The following CSTPP1 variants were observed in gnomAD, a reference collection of about 807,000 sequenced individuals.
CSTPP1 encodes centriolar satellite-associated tubulin polyglutamylase complex regulator 1, also known as UPF0705 protein C11orf49.
chr11:47,035,506 T>G, the CSTPP1 span, among the ~76,000 whole-genome samples: 7 of 152,358 alleles, frequency 4.6e-5, no homozygotes, highest in Non-Finnish European at 1.0e-4. Flanking sequence ...ACACTTGTGC[T>G]CACTGCAATA....
the CSTPP1 span, among the ~76,000 whole-genome samples, chr11:47,048,834 G>A: frequency 1.3e-5 from 2 of 152,120 alleles, no homozygotes; most frequent in East Asian, 1.9e-4. Flanking sequence ...TAAATATTAT[G>A]TATAGTTTAC....
the CSTPP1 span, among the ~76,000 whole-genome samples, chr11:46,939,166 C>T: frequency 2.0e-5 from 3 of 148,956 alleles, no homozygotes; most frequent in African/African-American, 7.4e-5. Context: ...TCTGGGCTCA[C>T]CCCAACCTCC....
the CSTPP1 span, among the ~76,000 whole-genome samples, chr11:47,025,223 A>G: frequency 6.6e-6 from 1 of 152,220 alleles, no homozygotes. Flanking sequence ...GAAATAAACT[A>G]CAATTATTTT....
At chr11:47,041,727 C>A in the CSTPP1 span, 1 of 530,534 alleles carries the variant, frequency 1.9e-6, no homozygotes, top group South Asian at 1.7e-5. Context: ...AGCCTTTGAC[C>A]TTGGTAGGCA....
the CSTPP1 span, among the ~76,000 whole-genome samples, chr11:47,139,938 G>A: frequency 6.6e-6 from 1 of 152,132 alleles, no homozygotes; most frequent in Non-Finnish European, 1.5e-5. Flanking sequence ...TTGACCCACT[G>A]AAAACAAAGC....
the CSTPP1 span, among the ~76,000 whole-genome samples, chr11:47,098,850 A>G: frequency 1.3e-5 from 2 of 152,218 alleles, no homozygotes; most frequent in Non-Finnish European, 2.9e-5. Context: ...AATCTGATCC[A>G]TCAGTAATAT....
At chr11:47,055,076 T>C in the CSTPP1 span, among the ~76,000 whole-genome samples, 1 of 151,308 alleles carries the variant, frequency 6.6e-6, no homozygotes, top group Non-Finnish European at 1.5e-5. Flanking sequence ...GGGAATATAT[T>C]TGTGCACTAC....
chr11:47,099,956 C>G, the CSTPP1 span, among the ~76,000 whole-genome samples: 3 of 152,322 alleles, frequency 2.0e-5, no homozygotes, highest in East Asian at 3.9e-4. Flanking sequence ...TCTTTCTCTC[C>G]TTACCTATTC....
the CSTPP1 span, among the ~76,000 whole-genome samples, chr11:47,007,330 C>T: frequency 2.0e-5 from 3 of 152,140 alleles, no homozygotes; most frequent in East Asian, 5.8e-4. Flanking sequence ...CATGCCCAGC[C>T]CATCATTTTG....
At chr11:46,968,404 AT>A in the CSTPP1 span, among the ~76,000 whole-genome samples, 1 of 147,010 alleles carries the variant, frequency 6.8e-6, no homozygotes, top group Non-Finnish European at 1.5e-5. Context: ...TAAATAATAT[AT>A]TTAATATATT....
At chr11:46,964,429 G>C in the CSTPP1 span, among the ~76,000 whole-genome samples, 1 of 152,078 alleles carries the variant, frequency 6.6e-6, no homozygotes, top group African/African-American at 2.4e-5. Context: ...GGGACTATAG[G>C]CGCCCGCCTC....
the CSTPP1 span, among the ~76,000 whole-genome samples, chr11:47,128,354 A>AAGG: frequency 1.3e-5 from 2 of 152,180 alleles, no homozygotes; most frequent in African/African-American, 4.8e-5. Flanking sequence ...TTTTATAAAT[A>AAGG]TTAAATATTG....
At chr11:46,956,379 C>T in the CSTPP1 span, among the ~76,000 whole-genome samples, 1 of 152,324 alleles carries the variant, frequency 6.6e-6, no homozygotes, top group East Asian at 1.9e-4. Context: ...ACAAAAAGAA[C>T]TTTGTAAACA....
the CSTPP1 span, among the ~76,000 whole-genome samples, chr11:47,121,194 A>T: frequency 6.6e-6 from 1 of 152,180 alleles, no homozygotes; most frequent in African/African-American, 2.4e-5. Context: ...CTGTTAGGTC[A>T]TGTAGTTAAT....
the CSTPP1 span, among the ~76,000 whole-genome samples, chr11:47,158,506 A>G: frequency 6.6e-6 from 1 of 152,076 alleles, no homozygotes; most frequent in Non-Finnish European, 1.5e-5. Flanking sequence ...AGAGCCAGTA[A>G]GCCTCCATTC....
chr11:46,994,515 C>G, the CSTPP1 span, among the ~76,000 whole-genome samples: 1 of 152,178 alleles, frequency 6.6e-6, no homozygotes, highest in Non-Finnish European at 1.5e-5. Context: ...AAGGCCTTTT[C>G]TGCATCTGTT....
chr11:47,145,105 A>G, the CSTPP1 span, among the ~76,000 whole-genome samples: 2 of 147,112 alleles, frequency 1.4e-5, no homozygotes, highest in Non-Finnish European at 3.0e-5. Context: ...CTCTCGCCTC[A>G]GCCTCCCAAG....
the CSTPP1 span, among the ~76,000 whole-genome samples, chr11:47,077,817 TA>T: frequency 6.6e-5 from 10 of 152,072 alleles, no homozygotes. Context: ...ATCTGTTGTG[TA>T]AAAAAATTGT....
At chr11:47,027,246 T>G in the CSTPP1 span, among the ~76,000 whole-genome samples, 2 of 152,224 alleles carry the variant, frequency 1.3e-5, no homozygotes, top group East Asian at 3.8e-4. Flanking sequence ...GTGTTAGGGA[T>G]GGCACCTGCG....
Sources: gnomAD v4.1 joint callset for allele counts (sites outside exome capture counted in the v4.1 genomes callset) on GRCh38, gnomAD v4.1.1 for gene constraint, MANE v1.5 for transcripts, NCBI Gene and HGNC (gene_info 2026-07-23, HGNC 2026-07-21) for gene names.